The following TRMT9B variants were observed in gnomAD, a reference collection of about 807,000 sequenced individuals.
TRMT9B encodes tRNA methyltransferase 9B (putative), also known as probable tRNA methyltransferase 9B.
A neutral mutation model predicts 11.5 loss-of-function variants in TRMT9B; 16 were observed. That is an observed-to-expected ratio of 1.39 (90% confidence interval 0.94 to 2.11). The LOEUF (loss-of-function observed/expected upper bound fraction) is 2.11, where lower values mean the gene tolerates loss of function less well. Among genes scored for constraint, TRMT9B ranks in the 30% most tolerant of loss-of-function variants. The pLI is 0.00. For missense variants in TRMT9B, 941 were observed against 553.8 expected, an observed-to-expected ratio of 1.70 and a Z score of -7.02; for synonymous variants, 274 against 192.4, an observed-to-expected ratio of 1.42 and a Z score of -3.51.
chr8:12,987,018 G>T (rs1162257169), intron 1 of TRMT9B, among the ~76,000 whole-genome samples: 1 of 152,156 alleles, frequency 6.6e-6, no homozygotes, highest in Non-Finnish European at 1.5e-5. Flanking sequence ...ATGTTCAGAA[G>T]CTGGACTAGG....
rs1222064417 is a variant in TRMT9B at position 12,945,780 on chromosome 8, G to GT, written c.-380dup. The GT allele has an allele frequency of 9.2e-5, 14 of 152,060 alleles. No individual in the cohort carries two copies. The highest frequency in any genetic ancestry group is 2.9e-4 in the African/African-American group (12 of 41,468). 9.4% of individuals were successfully genotyped at this position (152,060 alleles called of 1,614,324 possible). On this transcript the variant is annotated 5_prime_UTR_variant, in exon 1 of 5. It introduces an in-frame stop codon into an upstream open reading frame of the 5' UTR. Transcript: ENST00000524591. ...GTTTTATTCTTTTTTCATTTTTTGT[G>GT]TTTTTTGTTAGTTTGTTTTGAATTT...
chr8:12,976,886 A>C (rs1227435749), intron 1 of TRMT9B, among the ~76,000 whole-genome samples: 1 of 152,132 alleles, frequency 6.6e-6, no homozygotes, highest in African/African-American at 2.4e-5. Context: ...GCCATTGTTC[A>C]ACCCAGACCT....
In TRMT9B at chr8:13,021,411, A is replaced by G. The variant is rs565289444; in HGVS notation, c.732A>G (p.Gly244=). 24 of 1,614,054 alleles carry G rather than the reference A, an allele frequency of 1.5e-5. No individual in the cohort carries two copies. The South Asian group carries it at 2.6e-4, about 18-fold the overall frequency. ...AATATGGATTTTACAGCACATTAGG[A>G]AAATCGTTTCGTTCCTGGTTTTTCT... ...EEEYGFYSTL[G]KSFRSWFFSR... Residue 244 remains glycine (G), a synonymous_variant, in exon 5 of 5, where the codon GGA becomes GGG. Coordinates refer to ENST00000524591, the MANE Select transcript of TRMT9B (RefSeq NM_020844.3).
At chr8:12,964,735 G>A (rs1444124727) in intron 1 of TRMT9B, among the ~76,000 whole-genome samples, 2 of 142,022 alleles carry the variant, frequency 1.4e-5, no homozygotes, top group Non-Finnish European at 3.1e-5. Flanking sequence ...ACCACACCAG[G>A]CTAATGTTTT....
Position 13,010,922 on chromosome 8 carries a change from A to G in TRMT9B, c.155-1762A>G, listed in dbSNP as rs1268749858. The G allele has an allele frequency of 3.2e-6, 3 of 924,000 alleles. No homozygotes were observed. The African/African-American group carries it at 5.4e-5, about 17-fold the overall frequency. The allele number at this position is 924,000 out of a possible 1,614,324, so 57.2% of individuals were successfully genotyped here. On this transcript the variant is annotated intron_variant, in intron 3 of 4. Coordinates refer to ENST00000524591, the MANE Select transcript of TRMT9B (RefSeq NM_020844.3). The stretch of plus-strand genomic sequence containing the variant: ...GGGAACAGTGTGGCTACGAGATCAA[A>G]GAAATAATATCATAGAAATAATATG...
intron 1 of TRMT9B, among the ~76,000 whole-genome samples, chr8:12,989,095 A>AC (rs1806858071): frequency 6.6e-6 from 1 of 151,930 alleles, no homozygotes; most frequent in Non-Finnish European, 1.5e-5. Context: ...TTTTTTCAAA[A>AC]ATCTGGCTTT....
At chr8:12,974,154 A>G (rs1804062325) in intron 1 of TRMT9B, among the ~76,000 whole-genome samples, 1 of 151,762 alleles carries the variant, frequency 6.6e-6, no homozygotes. Flanking sequence ...CTGGGTGACA[A>G]GCAAGACCCT....
chr8:13,010,816 T>C, intron 3 of TRMT9B: 1 of 983,388 alleles, frequency 1.0e-6, no homozygotes, highest in Non-Finnish European at 1.2e-6. Flanking sequence ...ACACAGGATT[T>C]TAATTTTAAA....
rs1281889412 is a variant in TRMT9B, at chr8:13,027,092, A to T, written c.*5048A>T. On this transcript the variant is annotated 3_prime_UTR_variant, in exon 5 of 5. Coordinates refer to ENST00000524591, the MANE Select transcript of TRMT9B (RefSeq NM_020844.3). ...TTATTGTTTTCCCATTTTATAAGTAAGGCAACTGAGGACTATTCAGATATT... is the reference window on the plus strand; with the variant it reads ...TTATTGTTTTCCCATTTTATAAGTATGGCAACTGAGGACTATTCAGATATT... 1 of 167,076 alleles carries T rather than the reference A, an allele frequency of 6.0e-6. No homozygotes were observed. Among genetic ancestry groups the T allele is most frequent in the East Asian group, 1.9e-4 (1 of 5,198 alleles). The allele number at this position is 167,076 out of a possible 1,614,324, so 10.3% of individuals were successfully genotyped here.
At chr8:12,975,894 G>C (rs1449826248) in intron 1 of TRMT9B, among the ~76,000 whole-genome samples, 1 of 152,152 alleles carries the variant, frequency 6.6e-6, no homozygotes, top group Non-Finnish European at 1.5e-5. Flanking sequence ...TATGGTCATT[G>C]TCCATAAAGA....
intron 4 of TRMT9B, among the ~76,000 whole-genome samples, chr8:13,017,704 C>T (rs1282784897): frequency 6.6e-6 from 1 of 150,508 alleles, no homozygotes; most frequent in Non-Finnish European, 1.5e-5. Context: ...ACCTCTGCCT[C>T]CTGGGCTCTA....
intron 1 of TRMT9B, among the ~76,000 whole-genome samples, chr8:12,981,868 G>A (rs1805450791): frequency 6.6e-6 from 1 of 152,144 alleles, no homozygotes; most frequent in Non-Finnish European, 1.5e-5. Context: ...CAAAGCCAGT[G>A]TTGGGAGGTG....
chr8:12,947,521 A>C (rs1800323270), intron 1 of TRMT9B, among the ~76,000 whole-genome samples: 1 of 152,246 alleles, frequency 6.6e-6, no homozygotes. Context: ...TGAATAAAAT[A>C]GATGGTCAAG....
At chr8:12,950,710 T>C (rs966613755) in intron 1 of TRMT9B, among the ~76,000 whole-genome samples, 8 of 152,150 alleles carry the variant, frequency 5.3e-5, no homozygotes, top group African/African-American at 1.9e-4. Flanking sequence ...AATCAGAAAC[T>C]ATATGCTGAC....
At chr8:12,988,164 C>T (rs749542018) in intron 1 of TRMT9B, among the ~76,000 whole-genome samples, 8 of 152,130 alleles carry the variant, frequency 5.3e-5, no homozygotes, top group Non-Finnish European at 8.8e-5. Flanking sequence ...TGGCTGACCC[C>T]ACTCATCTTT....
intron 1 of TRMT9B, among the ~76,000 whole-genome samples, chr8:12,988,562 A>G (rs112668347): frequency 3.3e-5 from 5 of 152,232 alleles, no homozygotes; most frequent in African/African-American, 1.2e-4. Context: ...AAGCAAACAT[A>G]TCCTTCTTCA....
In TRMT9B at chr8:12,990,871, A is replaced by G; in HGVS notation, c.-162A>G. Reference sequence around the variant, plus strand: ...CTTCAGAGACTCACACAAGAGGTTTATCATGAGAAGGACCGCACTATTTCA... The same window carrying G: ...CTTCAGAGACTCACACAAGAGGTTTGTCATGAGAAGGACCGCACTATTTCA... On this transcript the variant is annotated 5_prime_UTR_variant, in exon 2 of 5. Coordinates refer to ENST00000524591, the MANE Select transcript of TRMT9B (RefSeq NM_020844.3). 1 of 1,289,766 alleles carries G rather than the reference A, an allele frequency of 7.8e-7. No homozygotes were observed. Among genetic ancestry groups the G allele is most frequent in the Non-Finnish European group, 1.0e-6 (1 of 988,684 alleles). 79.9% of individuals were successfully genotyped at this position (1,289,766 alleles called of 1,614,324 possible).
At chr8:12,967,844 C>G (rs1390478138) in intron 1 of TRMT9B, among the ~76,000 whole-genome samples, 1 of 152,206 alleles carries the variant, frequency 6.6e-6, no homozygotes, top group Non-Finnish European at 1.5e-5. Context: ...TTTGGACAGG[C>G]TGAAGGTCCT....
At chr8:13,005,091 AAAAAAAAAAGAAAAAG>A (rs1310260158) in intron 2 of TRMT9B, among the ~76,000 whole-genome samples, 6 of 152,002 alleles carry the variant, frequency 3.9e-5, no homozygotes, top group Non-Finnish European at 8.8e-5. Flanking sequence ...ATCTCAAAAA[AAAAAAAAAAGAAAAAG>A]AAAAGAAAAG....
Sources: gnomAD v4.1 joint callset for allele counts (sites outside exome capture counted in the v4.1 genomes callset) on GRCh38, gnomAD v4.1.1 for gene constraint, MANE v1.5 for transcripts, NCBI Gene and HGNC (gene_info 2026-07-23, HGNC 2026-07-21) for gene names.